CENPN: variants seen among roughly 807,000 people sequenced by gnomAD.
CENPN encodes centromere protein N, also known as interphase centromere complex protein 32.
CENPN carries 36 observed loss-of-function variants against 48.6 expected under a neutral mutation model. The ratio of observed to expected loss-of-function variants is 0.74; its 90% CI spans 0.57 to 0.98. The LOEUF (loss-of-function observed/expected upper bound fraction) is 0.98, where lower values mean the gene tolerates loss of function less well. Among genes scored for constraint, CENPN ranks in the 50% least tolerant of loss-of-function variants. CENPN has a pLI of 0.00. For synonymous variants in CENPN, 166 were observed against 135.2 expected (o/e 1.23, Z -1.58); for missense variants, 439 against 399.2 (o/e 1.10, Z -0.85).
Position 81,026,556 on chromosome 16 carries a change from T to G in CENPN, c.728T>G (p.Val243Gly). 1 of 1,602,356 alleles carries G rather than the reference T, an allele frequency of 6.2e-7. No homozygotes were observed. The highest frequency in any genetic ancestry group is 8.5e-7 in the Non-Finnish European group (1 of 1,171,570). ...TCAAGGATCATTCATGAAAACATAG[T>G]AGAAAAAGAGAGAGTCCAACGAATA... ...MDSRIIHENI[V>G]EKERVQRITQ... The change falls in exon 9 of 11, where the codon GTA (valine) becomes GGA (glycine). Residue 243 changes from valine to glycine, a missense_variant. Physicochemically the swap from Val to Gly is moderately radical, Grantham distance 109. Coordinates refer to ENST00000305850, the MANE Select transcript of CENPN (RefSeq NM_001100624.3).
chr16:81,015,708 A>C (rs1480795122), intron 3 of CENPN, among the ~76,000 whole-genome samples: 1 of 152,202 alleles, frequency 6.6e-6, no homozygotes, highest in East Asian at 1.9e-4. Flanking sequence ...TTGATTCAAA[A>C]ATTCATTAAG....
downstream of CENPN, among the ~76,000 whole-genome samples, chr16:81,032,377 G>T (rs1173780746): frequency 1.3e-5 from 2 of 152,138 alleles, no homozygotes; most frequent in Admixed American, 1.3e-4. Context: ...CTCCTCAGAA[G>T]AATTACACAC....
At chr16:81,026,217 A>ATG (rs2151709731) in intron 8 of CENPN, among the ~76,000 whole-genome samples, 1 of 150,066 alleles carries the variant, frequency 6.7e-6, no homozygotes, top group Non-Finnish European at 1.5e-5. Flanking sequence ...GTGTGTATAT[A>ATG]TATATACACA....
intron 8 of CENPN, among the ~76,000 whole-genome samples, chr16:81,025,959 T>A (rs1970448383): frequency 6.6e-6 from 1 of 150,700 alleles, no homozygotes; most frequent in Non-Finnish European, 1.5e-5. Context: ...CGCCTCAGCC[T>A]CCTGAAGTGC....
At position 81,031,443 on chromosome 16, in the gene CENPN, T is replaced by C. The variant is rs577787931; in HGVS notation, c.*2792T>C. On this transcript the variant is annotated 3_prime_UTR_variant, in exon 11 of 11. Coordinates refer to ENST00000305850, the MANE Select transcript of CENPN (RefSeq NM_001100624.3). ...CTTCTAGCTGAATCTGTCTCCCAAATTGCAATTCCTAAGACCTCAATAAAA... is the reference window on the plus strand; with the variant it reads ...CTTCTAGCTGAATCTGTCTCCCAAACTGCAATTCCTAAGACCTCAATAAAA... The C allele has an allele frequency of 3.9e-5, 6 of 152,338 alleles. No individual in the cohort carries two copies. The highest frequency in any genetic ancestry group is 1.4e-4 in the African/African-American group (6 of 41,568). The allele number at this position is 152,338 out of a possible 1,614,324, so 9.4% of individuals were successfully genotyped here. A position where few individuals can be genotyped will look rare whatever the true frequency, so the allele number is the denominator to read the frequency against.
Position 81,024,755 on chromosome 16 carries a change from G to A in CENPN, c.674G>A (p.Arg225Lys). The A allele has an allele frequency of 6.2e-7, 1 of 1,610,230 alleles. No homozygotes were observed. The highest frequency in any genetic ancestry group is 8.5e-7 in the Non-Finnish European group (1 of 1,177,606). ...AACTCTACGACACCTCTACAGGAAAGAAGCCTTGGACTAGATATAAATAGT... is the reference window on the plus strand; with the variant it reads ...AACTCTACGACACCTCTACAGGAAAAAAGCCTTGGACTAGATATAAATAGT... ...THNSTTPLQE[R>K]SLGLDINMDS... The change falls in exon 8 of 11, where the codon AGA becomes AAA. Residue 225 changes from arginine to lysine, a missense_variant. Transcript: ENST00000305850.
chr16:81,015,524 T>C (rs1969898769), intron 3 of CENPN, among the ~76,000 whole-genome samples: 1 of 152,276 alleles, frequency 6.6e-6, no homozygotes. Context: ...AGCTGTTTTC[T>C]GTAAGTGTAA....
chr16:81,025,607 C>T (rs928020756), intron 8 of CENPN, among the ~76,000 whole-genome samples: 5 of 151,400 alleles, frequency 3.3e-5, no homozygotes, highest in South Asian at 2.1e-4. Context: ...TCTGTGGTCC[C>T]GGCTACTTGG....
At chr16:81,024,863 A>C in intron 8 of CENPN, 85 bp downstream of exon 8, 1 of 830,790 alleles carries the variant, frequency 1.2e-6, no homozygotes, top group Admixed American at 2.6e-5. Flanking sequence ...CGTGTATAGT[A>C]GGATCCTAAT....
At chr16:81,026,254 G>C (rs1970489400) in intron 8 of CENPN, among the ~76,000 whole-genome samples, 1 of 149,600 alleles carries the variant, frequency 6.7e-6, no homozygotes, top group Non-Finnish European at 1.5e-5. Context: ...TTTATTCACT[G>C]TAAAAAGAGC....
At chr16:81,011,183 TC>T (rs1969725902) in intron 1 of CENPN, among the ~76,000 whole-genome samples, 1 of 152,170 alleles carries the variant, frequency 6.6e-6, no homozygotes, top group Admixed American at 6.5e-5. Context: ...CACATGCTGT[TC>T]CTTCTGCCTG....
chr16:81,026,437 C>A, intron 8 of CENPN, 89 bp from the exon 9 acceptor site: 1 of 544,758 alleles, frequency 1.8e-6, no homozygotes, highest in Non-Finnish European at 3.2e-6. Flanking sequence ...ATTATACAAA[C>A]AATTCGAAGG....
chr16:81,019,278 A>G (rs989897911), intron 5 of CENPN, among the ~76,000 whole-genome samples: 1 of 151,704 alleles, frequency 6.6e-6, no homozygotes, highest in African/African-American at 2.4e-5. Context: ...ATGCACTGAC[A>G]TGATCTCGGC....
At chr16:81,015,032 G>A (rs553694489) in intron 3 of CENPN, among the ~76,000 whole-genome samples, 34 of 152,342 alleles carry the variant, frequency 2.2e-4, no homozygotes, top group African/African-American at 7.2e-4. Flanking sequence ...TAAGATATAT[G>A]AAGGTTAGGT....
chr16:81,024,805 A>G (rs1221845953), intron 8 of CENPN, 27 bp downstream of exon 8: 1 of 1,430,246 alleles, frequency 7.0e-7, no homozygotes, highest in African/African-American at 1.4e-5. Flanking sequence ...ATGAAACTGA[A>G]TTTTGGAAAT....
downstream of CENPN, among the ~76,000 whole-genome samples, chr16:81,032,162 T>G (rs554237824): frequency 7.2e-5 from 11 of 152,292 alleles, no homozygotes; most frequent in Non-Finnish European, 1.3e-4. Context: ...AGAAAGCTTC[T>G]TACTAAAAGA....
Position 81,028,248 on chromosome 16 carries a change from G to C in CENPN, c.888G>C (p.Lys296Asn). The change falls in exon 10 of 11, where the codon AAG becomes AAC. Residue 296 changes from lysine (K) to asparagine (N), a missense_variant. Transcript: ENST00000305850. The stretch of plus-strand genomic sequence containing the variant: ...AAGAACCCCTCCGATGCCTAATAAA[G>C]TTCTCTAGCCCACATCTTCTGGAAG... ...EREEPLRCLI[K>N]FSSPHLLEAL... The C allele has an allele frequency of 5.0e-6, 8 of 1,614,086 alleles. No homozygotes were observed. Among genetic ancestry groups the C allele is most frequent in the Non-Finnish European group, 5.9e-6 (7 of 1,179,924 alleles).
At chr16:81,019,380 CTTT>C (rs1020795508) in intron 5 of CENPN, among the ~76,000 whole-genome samples, 1 of 139,616 alleles carries the variant, frequency 7.2e-6, no homozygotes, top group African/African-American at 2.6e-5. Flanking sequence ...CCGTGCCTGG[CTTT>C]TTTTTTTTTT....
At chr16:81,024,034 T>C (rs1027295108) in intron 7 of CENPN, 1 of 151,886 alleles carries the variant, frequency 6.6e-6, no homozygotes, top group African/African-American at 2.4e-5. Context: ...TGAGTGGAGA[T>C]AGTGCCACTG....
Sources: allele counts gnomAD v4.1 joint callset (sites outside exome capture counted in the v4.1 genomes callset), GRCh38; gene constraint gnomAD v4.1.1; transcripts MANE v1.5; gene names NCBI Gene and HGNC (gene_info 2026-07-23, HGNC 2026-07-21).